Variants in AOPEP observed in about 807,000 individuals in gnomAD.
AOPEP encodes the protein aminopeptidase O.
AOPEP carries 77 observed loss-of-function variants against 98.1 expected under a neutral mutation model. The observed-to-expected ratio is 0.78, with a 90% confidence interval of 0.65 to 0.95. The LOEUF (loss-of-function observed/expected upper bound fraction) is 0.95. AOPEP is among the 40% of genes least tolerant of loss of function. The pLI, the probability that AOPEP is intolerant of heterozygous loss-of-function variation, is 0.00. For missense variants in AOPEP, 1,024 were observed against 1,024.7 expected (o/e 1.00, Z 0.01); for synonymous variants, 346 against 365.3 (o/e 0.95, Z 0.60).
At chr9:94,991,474 T>TC (rs546882727) in intron 11 of AOPEP, among the ~76,000 whole-genome samples, 105 of 152,346 alleles carry the variant, frequency 6.9e-4, no homozygotes, top group African/African-American at 2.4e-3. Context: ...CTGCCCAAGC[T>TC]CGCAGCACTA....
chr9:94,743,019 A>G (rs1833513286), intron 1 of AOPEP, among the ~76,000 whole-genome samples: 1 of 152,066 alleles, frequency 6.6e-6, no homozygotes, highest in African/African-American at 2.4e-5. Flanking sequence ...AGACTTCAGA[A>G]AGAGAAGAGG....
chr9:95,052,850 G>A (rs2066499974), intron 13 of AOPEP, among the ~76,000 whole-genome samples: 1 of 152,172 alleles, frequency 6.6e-6, no homozygotes, highest in Non-Finnish European at 1.5e-5. Flanking sequence ...GTGACTGTTT[G>A]ACACTGTGCT....
chr9:95,073,003 G>A (rs1326559837), intron 14 of AOPEP, among the ~76,000 whole-genome samples: 2 of 152,230 alleles, frequency 1.3e-5, no homozygotes, highest in Non-Finnish European at 2.9e-5. Context: ...GGCTGAGGCT[G>A]GGGCAAGGCT....
At chr9:95,092,822 C>T in the AOPEP span, among the ~76,000 whole-genome samples, 2,536 of 152,240 alleles carry the variant, frequency 0.017, 82 homozygotes, top group African/African-American at 0.057. Context: ...ACGACTGGAT[C>T]GGACGCTCAT....
chr9:95,149,501 T>C, the AOPEP span, among the ~76,000 whole-genome samples: 7 of 151,706 alleles, frequency 4.6e-5, no homozygotes, highest in Non-Finnish European at 8.8e-5. Context: ...TTTTTTGAGA[T>C]GGAGTCTCGC....
At chr9:95,121,118 C>A in the AOPEP span, among the ~76,000 whole-genome samples, 1 of 152,142 alleles carries the variant, frequency 6.6e-6, no homozygotes, top group African/African-American at 2.4e-5. Context: ...AAATACTTTG[C>A]CTGGAGTTTA....
At chr9:94,989,945 T>C (rs2060789480) in intron 11 of AOPEP, among the ~76,000 whole-genome samples, 1 of 152,182 alleles carries the variant, frequency 6.6e-6, no homozygotes, top group South Asian at 2.1e-4. Flanking sequence ...GTTTAGTTTA[T>C]TAGTTCAAGC....
chr9:94,836,744 T>G (rs2041651326), intron 5 of AOPEP, among the ~76,000 whole-genome samples: 1 of 152,146 alleles, frequency 6.6e-6, no homozygotes, highest in South Asian at 2.1e-4. Context: ...TAGATTGTGG[T>G]TTTGGTGTTA....
At chr9:94,870,616 C>A (rs1184956746) in intron 5 of AOPEP, among the ~76,000 whole-genome samples, 2 of 152,180 alleles carry the variant, frequency 1.3e-5, no homozygotes, top group African/African-American at 4.8e-5. Context: ...CTTGCTGATG[C>A]TACAGTTTAG....
rs2060142616 is a variant in AOPEP, at chr9:94,980,914, G to C, written c.1977+1487G>C. ...TCATGTTTCAGATGGGAGTGCAGGT[G>C]GTGGGGGACATTTGCTGAAGTTTGC... On this transcript the variant is annotated intron_variant, in intron 11 of 16. Transcript: ENST00000375315. This position sits in a 1 kb window ranked among gnomAD's most constrained non-coding sequence, Gnocchi z 4.3. Among the ~76,000 whole-genome samples, 1 of 152,226 alleles carries C rather than the reference G, an allele frequency of 6.6e-6. No individual in the cohort carries two copies. The highest frequency in any genetic ancestry group is 2.4e-5 in the African/African-American group (1 of 41,466).
At chr9:95,091,508 A>G (rs1257926064), downstream of AOPEP, among the ~76,000 whole-genome samples, 1 of 152,234 alleles carries the variant, frequency 6.6e-6, no homozygotes, top group East Asian at 1.9e-4. Flanking sequence ...GTCACTGTAT[A>G]GGGGCACGGA....
In AOPEP at chr9:95,086,716, T is replaced by G; in HGVS notation, c.*39T>G. 1 of 988,386 alleles carries G rather than the reference T, an allele frequency of 1.0e-6. No homozygotes were observed. Among genetic ancestry groups the G allele is most frequent in the Non-Finnish European group, 1.2e-6 (1 of 830,512 alleles). The allele number at this position is 988,386 out of a possible 1,614,324, so 61.2% of individuals were successfully genotyped here. On this transcript the variant is annotated 3_prime_UTR_variant, in exon 17 of 17. Coordinates refer to ENST00000375315, the MANE Select transcript of AOPEP (RefSeq NM_001193329.3). ...CAGCAAGATTCTTTCATTCGTCTCC[T>G]CCTAGCCTGGGGGACCAGGCTCGAA...
chr9:94,815,582 G>C (rs972315357), intron 5 of AOPEP, among the ~76,000 whole-genome samples: 2 of 152,064 alleles, frequency 1.3e-5, no homozygotes, highest in African/African-American at 4.8e-5. Context: ...TGGAGCTGAA[G>C]GCAATCCCTT....
At chr9:95,008,663 A>C (rs2062234583) in intron 13 of AOPEP, among the ~76,000 whole-genome samples, 1 of 152,178 alleles carries the variant, frequency 6.6e-6, no homozygotes, top group African/African-American at 2.4e-5. Context: ...TGTACCATGC[A>C]GATAAAGTGA....
chr9:95,136,015 C>T, the AOPEP span, among the ~76,000 whole-genome samples: 27 of 152,236 alleles, frequency 1.8e-4, no homozygotes, highest in Middle Eastern at 3.4e-3. Context: ...CAACAACACA[C>T]GTACAGTGAT....
At chr9:95,090,636 A>G (rs1407835468), downstream of AOPEP, among the ~76,000 whole-genome samples, 1 of 152,082 alleles carries the variant, frequency 6.6e-6, no homozygotes, top group African/African-American at 2.4e-5. Flanking sequence ...CTAGAAAGGC[A>G]GCCCCTGCCT....
intron 5 of AOPEP, among the ~76,000 whole-genome samples, chr9:94,818,752 T>C (rs1852261252): frequency 6.6e-6 from 1 of 152,190 alleles, no homozygotes; most frequent in South Asian, 2.1e-4. Flanking sequence ...CCCAGCACTT[T>C]GGGAGGCTGA....
chr9:95,098,659 G>GTC, the AOPEP span, among the ~76,000 whole-genome samples: 2 of 152,228 alleles, frequency 1.3e-5, no homozygotes, highest in African/African-American at 4.8e-5. Context: ...TGGAGGAGGG[G>GTC]ACAGCAGCCT....
intron 5 of AOPEP, among the ~76,000 whole-genome samples, chr9:94,828,875 GT>G (rs11291910): frequency 0.94 from 134,767 of 143,196 alleles, 63,404 homozygotes; most frequent in Middle Eastern, 0.98. Context: ...TCTTCTTACT[GT>G]TTTTTTTTTT....
Sources: gnomAD v4.1 joint callset for allele counts (sites outside exome capture counted in the v4.1 genomes callset) on GRCh38, gnomAD v4.1.1 for gene constraint, Gnocchi (gnomAD v3.1) non-coding constraint, MANE v1.5 for transcripts, NCBI Gene and HGNC (gene_info 2026-07-23, HGNC 2026-07-21) for gene names.